CDH13: variants seen among roughly 807,000 people sequenced by gnomAD.
CDH13 encodes the protein cadherin-13.
CDH13 carries 24 observed loss-of-function variants against 63.8 expected under a neutral mutation model. The observed-to-expected ratio is 0.38, with a 90% CI of 0.27 to 0.53. The LOEUF (loss-of-function observed/expected upper bound fraction) is 0.53. Among genes scored for constraint, CDH13 ranks in the 20% least tolerant of loss-of-function variants. The probability of loss-of-function intolerance (pLI) is 0.85; values close to 1 mark genes in which losing one functional copy is unlikely to be tolerated. For synonymous variants in CDH13, 503 were observed against 355.3 expected, an observed-to-expected ratio of 1.42 and a Z score of -4.67; for missense variants, 1,049 against 903.1, an observed-to-expected ratio of 1.16 and a Z score of -2.07.
chr16:83,310,552 C>G (rs547496722), intron 5 of CDH13, among the ~76,000 whole-genome samples: 32 of 152,228 alleles, frequency 2.1e-4, no homozygotes, highest in Non-Finnish European at 3.4e-4. Flanking sequence ...ATCACCTCCT[C>G]TTCCACCAAG....
At chr16:82,870,874 C>G (rs868611256) in intron 2 of CDH13, among the ~76,000 whole-genome samples, 4 of 152,300 alleles carry the variant, frequency 2.6e-5, no homozygotes, top group African/African-American at 7.2e-5. Context: ...CTGTCAGAAA[C>G]AGCATAGGGA....
At chr16:82,805,023 G>A (rs756165083) in intron 1 of CDH13, among the ~76,000 whole-genome samples, 3 of 152,142 alleles carry the variant, frequency 2.0e-5, no homozygotes, top group Non-Finnish European at 4.4e-5. Flanking sequence ...ATCCAGAGGC[G>A]TAAAGGAAAA....
chr16:83,595,701 G>A lies in CDH13; in HGVS notation c.961-6753G>A, dbSNP rs143595846. 2.7e-3 allele frequency among the ~76,000 whole-genome samples: 417 copies of A among 152,290 alleles called. 2 individuals are homozygous for A. The highest frequency in any genetic ancestry group is 9.3e-3 in the African/African-American group (388 of 41,556). Reference sequence around the variant, plus strand: ...CACCAAGTACATAACTTCTGCTCACGTTCCACTGACCGCAATCAGCCACAC... The same window carrying A: ...CACCAAGTACATAACTTCTGCTCACATTCCACTGACCGCAATCAGCCACAC... On this transcript the variant is annotated intron_variant, in intron 7 of 13. Transcript: ENST00000567109.
At chr16:83,526,409 CTG>C (rs1285659028) in intron 7 of CDH13, among the ~76,000 whole-genome samples, 1 of 152,176 alleles carries the variant, frequency 6.6e-6, no homozygotes, top group East Asian at 1.9e-4. Flanking sequence ...CCGGATGAAA[CTG>C]TTCCACCTAA....
At chr16:83,762,696 C>T (rs1232998457) in intron 11 of CDH13, among the ~76,000 whole-genome samples, 6 of 152,200 alleles carry the variant, frequency 3.9e-5, no homozygotes, top group African/African-American at 7.2e-5. Context: ...ACTCACTCCA[C>T]GCTCACTGCT....
At chr16:83,559,251 C>G (rs1421932807) in intron 7 of CDH13, among the ~76,000 whole-genome samples, 1 of 152,124 alleles carries the variant, frequency 6.6e-6, no homozygotes, top group Non-Finnish European at 1.5e-5. Context: ...GATCACTTCA[C>G]ATGTAGTATG....
chr16:82,961,826 G>A (rs751404598), intron 2 of CDH13, among the ~76,000 whole-genome samples: 21 of 152,290 alleles, frequency 1.4e-4, no homozygotes, highest in Admixed American at 7.2e-4. Context: ...GGTTGTCACC[G>A]TTGGGATGGG....
chr16:83,340,740 C>A (rs1402690718), intron 5 of CDH13, among the ~76,000 whole-genome samples: 1 of 152,170 alleles, frequency 6.6e-6, no homozygotes, highest in Non-Finnish European at 1.5e-5. Flanking sequence ...ACACACAGCA[C>A]AGACATTGGT....
At chr16:83,633,870 C>T (rs1866418065) in intron 8 of CDH13, among the ~76,000 whole-genome samples, 1 of 152,120 alleles carries the variant, frequency 6.6e-6, no homozygotes, top group South Asian at 2.1e-4. Flanking sequence ...CATGTGATCC[C>T]AGAATGCATC....
At chr16:83,708,635 C>T (rs984681199) in intron 10 of CDH13, among the ~76,000 whole-genome samples, 22 of 152,204 alleles carry the variant, frequency 1.4e-4, no homozygotes, top group African/African-American at 4.6e-4. Context: ...TTACCTTATA[C>T]AGTAAAAAGG....
intron 3 of CDH13, among the ~76,000 whole-genome samples, chr16:83,072,991 G>C (rs968008269): frequency 6.6e-6 from 1 of 152,160 alleles, no homozygotes. Context: ...GCATTTACTA[G>C]GATGTGAAAG....
At position 83,797,633 on chromosome 16, in the gene CDH13, A is replaced by C. The variant is rs1904288674; in HGVS notation, c.*2603A>C. ...GGAATATATTACATTGTTTACTGAA[A>C]ACCATAGTAGAATCAAAATGTTATT... On this transcript the variant is annotated 3_prime_UTR_variant, in exon 14 of 14. Transcript: ENST00000567109. 6.6e-6 allele frequency: 1 copy of C among 152,228 alleles called. No homozygotes were observed. Among genetic ancestry groups the C allele is most frequent in the Non-Finnish European group, 1.5e-5 (1 of 68,038 alleles). The allele number at this position is 152,228 out of a possible 1,614,324, so 9.4% of individuals were successfully genotyped here. A position where few individuals can be genotyped will look rare whatever the true frequency, so the allele number is the denominator to read the frequency against.
chr16:82,986,791 C>G (rs770477497), intron 2 of CDH13, among the ~76,000 whole-genome samples: 1 of 152,136 alleles, frequency 6.6e-6, no homozygotes. Context: ...CTACAAATAC[C>G]GCAAATGGGT....
chr16:83,239,272 A>C (rs1218677288), intron 5 of CDH13, among the ~76,000 whole-genome samples: 1 of 152,204 alleles, frequency 6.6e-6, no homozygotes, highest in Non-Finnish European at 1.5e-5. Context: ...TGGAAATAAA[A>C]AAGATGAATG....
intron 3 of CDH13, among the ~76,000 whole-genome samples, chr16:83,053,101 G>T (rs1264912300): frequency 6.6e-6 from 1 of 152,168 alleles, no homozygotes; most frequent in Non-Finnish European, 1.5e-5. Context: ...AGAGTTGAAT[G>T]AGATAATTCA....
In CDH13 at chr16:83,081,687, A is replaced by AAGAG. The variant is rs879394499; in HGVS notation, c.367-43682_367-43679dup. ...CTTTTCATTGTAAACTCACACAGTAAAGAGAGAGAGAGAGAGAGAAAGAGA... is the reference window on the plus strand; with the variant it reads ...CTTTTCATTGTAAACTCACACAGTAAAGAGAGAGAGAGAGAGAGAGAGAAAGAGA... On this transcript the variant is annotated intron_variant, in intron 3 of 13. Coordinates refer to ENST00000567109, the MANE Select transcript of CDH13 (RefSeq NM_001257.5). Among the ~76,000 whole-genome samples the AAGAG allele has an allele frequency of 4.3e-3, 647 of 150,000 alleles. 1 individual carries two copies. The highest frequency in any genetic ancestry group is 0.015 in the African/African-American group (616 of 40,956).
intron 4 of CDH13, among the ~76,000 whole-genome samples, chr16:83,137,425 A>G (rs1028583277): frequency 6.6e-5 from 10 of 152,270 alleles, no homozygotes; most frequent in African/African-American, 2.2e-4. Flanking sequence ...CCTCGCCAAC[A>G]TTTATTTGAT....
At chr16:83,464,539 T>C (rs374993050) in intron 6 of CDH13, among the ~76,000 whole-genome samples, 2 of 152,014 alleles carry the variant, frequency 1.3e-5, no homozygotes, top group Admixed American at 6.6e-5. Context: ...TTTGTAGTTT[T>C]AGTAGAGATG....
intron 6 of CDH13, among the ~76,000 whole-genome samples, chr16:83,410,691 T>C (rs535987245): frequency 2.0e-5 from 3 of 152,316 alleles, no homozygotes; most frequent in African/African-American, 7.2e-5. Flanking sequence ...TAGAAATTAG[T>C]TCTTTATTCT....
Sources: allele counts gnomAD v4.1 joint callset (sites outside exome capture counted in the v4.1 genomes callset), GRCh38; gene constraint gnomAD v4.1.1; transcripts MANE v1.5; gene names NCBI Gene and HGNC (gene_info 2026-07-23, HGNC 2026-07-21).